LASP1: variants seen among roughly 807,000 people sequenced by gnomAD.
LASP1 encodes the protein LIM and SH3 domain protein 1.
LASP1 carries 10 observed loss-of-function variants against 38.6 expected under a neutral mutation model. The observed-to-expected ratio is 0.26, with a 90% confidence interval of 0.16 to 0.44. LASP1 has a LOEUF of 0.44. Among genes scored for constraint, LASP1 ranks in the 20% least tolerant of loss-of-function variants. LASP1 has a pLI of 1.00. For synonymous variants in LASP1, 132 were observed against 140.8 expected (o/e 0.94, Z 0.44); for missense variants, 243 against 375.7 (o/e 0.65, Z 2.92).
intron 5 of LASP1, 144 bp downstream of exon 5, chr17:38,914,619 GGGAC>G: frequency 2.7e-6 from 3 of 1,104,684 alleles, no homozygotes; most frequent in Non-Finnish European, 3.8e-6. Flanking sequence ...TGTGCAAGAG[GGGAC>G]CAGAGGACCT....
intron 2 of LASP1, among the ~76,000 whole-genome samples, chr17:38,884,507 C>G (rs1341427625): frequency 6.6e-6 from 1 of 151,784 alleles, no homozygotes; most frequent in Admixed American, 6.6e-5. Flanking sequence ...CCCGCCTCAG[C>G]CTCCCAAGTA....
At chr17:38,894,372 C>T (rs764330875) in intron 3 of LASP1, among the ~76,000 whole-genome samples, 1 of 152,140 alleles carries the variant, frequency 6.6e-6, no homozygotes. Context: ...GTAAGCAGCA[C>T]GGGTGGTAGA....
In LASP1 at chr17:38,918,105, A is replaced by T. The variant is rs897276801; in HGVS notation, c.613-500A>T. Among the ~76,000 whole-genome samples the T allele has an allele frequency of 3.4e-5, 5 of 148,510 alleles. No individual in the cohort carries two copies. The highest frequency in any genetic ancestry group is 7.4e-5 in the Non-Finnish European group (5 of 67,410). ...CAGTGAGCCAAGATCACACCATTGC[A>T]CTCCAGCTTGGGTGACAAAGCAAGA... On this transcript the variant is annotated intron_variant, in intron 6 of 6. Coordinates refer to ENST00000318008, the MANE Select transcript of LASP1 (RefSeq NM_006148.4). The surrounding 1 kb of genome is among the most constrained non-coding windows in gnomAD (Gnocchi z 4.4).
chr17:38,888,613 T>A (rs1363485175), intron 2 of LASP1, among the ~76,000 whole-genome samples: 1 of 152,236 alleles, frequency 6.6e-6, no homozygotes, highest in Non-Finnish European at 1.5e-5. Flanking sequence ...TTACTGAGCA[T>A]CGCCTACTAT....
intron 2 of LASP1, among the ~76,000 whole-genome samples, chr17:38,880,382 T>A (rs1268658931): frequency 6.6e-6 from 1 of 152,222 alleles, no homozygotes; most frequent in Admixed American, 6.5e-5. Context: ...GGTGGAGGGC[T>A]CCTGCAGGGA....
At chr17:38,873,970 G>A (rs1028194261) in intron 1 of LASP1, 5 of 152,248 alleles carry the variant, frequency 3.3e-5, no homozygotes, top group African/African-American at 1.2e-4. Flanking sequence ...GCTGTCCCAA[G>A]TGAGGGGTAT....
intron 3 of LASP1, among the ~76,000 whole-genome samples, chr17:38,892,224 T>C (rs1438974753): frequency 6.6e-6 from 1 of 152,054 alleles, no homozygotes; most frequent in Non-Finnish European, 1.5e-5. Context: ...ACCGAGTGAG[T>C]GAATGCGGAT....
chr17:38,876,043 C>G (rs1457567937), intron 1 of LASP1, among the ~76,000 whole-genome samples: 12 of 152,082 alleles, frequency 7.9e-5, no homozygotes, highest in Admixed American at 7.9e-4. Flanking sequence ...TGGTGGTGAT[C>G]CAGCACATCA....
chr17:38,879,436 T>TA (rs1913876158), intron 2 of LASP1, among the ~76,000 whole-genome samples: 1 of 151,772 alleles, frequency 6.6e-6, no homozygotes, highest in African/African-American at 2.4e-5. Flanking sequence ...GGATTACAGG[T>TA]ATAAGCCACC....
intron 3 of LASP1, among the ~76,000 whole-genome samples, chr17:38,891,278 C>T (rs778369216): frequency 6.6e-6 from 1 of 152,042 alleles, no homozygotes. Flanking sequence ...ACGTGGGCAG[C>T]GCGCCCAGGA....
rs1368803503 is a variant in LASP1, at chr17:38,894,023, C to T, written c.249+3519C>T. 2.0e-5 allele frequency among the ~76,000 whole-genome samples: 3 copies of T among 152,146 alleles called. No homozygotes were observed. In the East Asian group the frequency reaches 5.8e-4, roughly 29 times the overall value. The stretch of plus-strand genomic sequence containing the variant: ...CTCTATATTGGTCTCCAAAATGGCA[C>T]TTTGGGTGTCTGGGACACCTGGAGC... On this transcript the variant is annotated intron_variant, in intron 3 of 6. Transcript: ENST00000318008.
intron 1 of LASP1, among the ~76,000 whole-genome samples, chr17:38,873,347 C>T (rs1048358778): frequency 4.6e-5 from 7 of 152,126 alleles, no homozygotes; most frequent in Non-Finnish European, 8.8e-5. Context: ...CTAGTTATCA[C>T]GATATGCTGG....
At chr17:38,898,617 C>CACTGGCCTCATT in intron 4 of LASP1, 98 bp downstream of exon 4, 2 of 889,302 alleles carry the variant, frequency 2.2e-6, no homozygotes, top group South Asian at 1.4e-5. Context: ...GTGAATGAGG[C>CACTGGCCTCATT]CAGTGCCTCC....
At chr17:38,879,561 C>T (rs1252778422) in intron 2 of LASP1, among the ~76,000 whole-genome samples, 2 of 150,970 alleles carry the variant, frequency 1.3e-5, no homozygotes, top group Admixed American at 6.6e-5. Flanking sequence ...TGACTTGAGT[C>T]CAGTTTTTTT....
At chr17:38,890,587 C>CGCAGGGGAAGG in intron 3 of LASP1, 83 bp downstream of exon 3, 1 of 1,248,778 alleles carries the variant, frequency 8.0e-7, no homozygotes, top group Non-Finnish European at 1.2e-6. Context: ...GCAAGAGTAC[C>CGCAGGGGAAGG]TTCCCCTGCG....
chr17:38,899,391 A>G (rs1914578967), intron 4 of LASP1, among the ~76,000 whole-genome samples: 1 of 152,096 alleles, frequency 6.6e-6, no homozygotes, highest in Non-Finnish European at 1.5e-5. Flanking sequence ...GGAACTGGGG[A>G]TAGAGATTGC....
At chr17:38,899,904 A>G (rs1914592964) in intron 4 of LASP1, among the ~76,000 whole-genome samples, 1 of 151,658 alleles carries the variant, frequency 6.6e-6, no homozygotes, top group Non-Finnish European at 1.5e-5. Flanking sequence ...CAATTTTTGT[A>G]TTTTTGGTAG....
At chr17:38,876,149 C>T (rs994059178) in intron 1 of LASP1, among the ~76,000 whole-genome samples, 3 of 151,566 alleles carry the variant, frequency 2.0e-5, no homozygotes, top group Admixed American at 1.3e-4. Context: ...CTCCAGGCTG[C>T]CACGTGGAGC....
intron 3 of LASP1, among the ~76,000 whole-genome samples, chr17:38,894,833 A>G (rs1914440748): frequency 6.6e-6 from 1 of 151,658 alleles, no homozygotes; most frequent in African/African-American, 2.4e-5. Context: ...GACTTCCCAG[A>G]CTCAAGCGAT....
Sources: allele counts gnomAD v4.1 joint callset (sites outside exome capture counted in the v4.1 genomes callset), GRCh38; gene constraint gnomAD v4.1.1; non-coding constraint Gnocchi (gnomAD v3.1); transcripts MANE v1.5; gene names NCBI Gene and HGNC (gene_info 2026-07-23, HGNC 2026-07-21).